Variants in ADGRG4 observed in about 807,000 individuals in gnomAD.
ADGRG4 encodes G protein-coupled receptor 112.
In ADGRG4, 122 loss-of-function variants were observed where a neutral mutation model predicts 126.2. The ratio of observed to expected loss-of-function variants is 0.97; its 90% confidence interval spans 0.83 to 1.12. ADGRG4 has a LOEUF of 1.12. Ranked by LOEUF, ADGRG4 falls within the 50% of genes most tolerant of loss-of-function variation. The probability of loss-of-function intolerance (pLI) is 0.00; values close to 1 mark genes in which losing one functional copy is unlikely to be tolerated. For synonymous variants in ADGRG4, 943 were observed against 838.7 expected, an observed-to-expected ratio of 1.12 and a Z score of -2.15; for missense variants, 2,481 against 2,251.8, an observed-to-expected ratio of 1.10 and a Z score of -2.06.
chrX:136,411,841 G>A (rs2075447857), intron 23 of ADGRG4, among the ~76,000 whole-genome samples: 2 of 112,693 alleles, frequency 1.8e-5, no homozygotes, highest in South Asian at 7.4e-4. Context: ...GATGTCCTCA[G>A]GACAAAATAC....
At chrX:136,412,759 G>C (rs1478254149) in intron 24 of ADGRG4, among the ~76,000 whole-genome samples, 4 of 112,219 alleles carry the variant, frequency 3.6e-5, no homozygotes, top group Non-Finnish European at 7.5e-5. Flanking sequence ...GAGATGGAGA[G>C]AACTTATAAA....
In ADGRG4 at chrX:136,372,673, C is replaced by T. The variant is rs753205130; in HGVS notation, c.7614-229C>T. Reference sequence around the variant, plus strand: ...TGACTTTCAGGTGAGGAAACTGAAGCTAAGTGAGATTACTTTATTTGCCCA... The same window carrying T: ...TGACTTTCAGGTGAGGAAACTGAAGTTAAGTGAGATTACTTTATTTGCCCA... On this transcript the variant is annotated intron_variant, in intron 14 of 25. Coordinates refer to ENST00000394143, the MANE Select transcript of ADGRG4 (RefSeq NM_153834.4). Among the ~76,000 whole-genome samples, 6 of 111,933 alleles carry T rather than the reference C, an allele frequency of 5.4e-5. No individual in the cohort carries two copies. In the South Asian group the frequency reaches 2.3e-3, roughly 42 times the overall value.
At chrX:136,401,497 G>T (rs1041002575) in intron 21 of ADGRG4, among the ~76,000 whole-genome samples, 3 of 111,640 alleles carry the variant, frequency 2.7e-5, no homozygotes, top group Non-Finnish European at 5.6e-5. Flanking sequence ...GGCAGGAAAG[G>T]CTAAAGCTTG....
intron 11 of ADGRG4, among the ~76,000 whole-genome samples, chrX:136,361,128 G>A (rs1330071450): frequency 2.7e-5 from 3 of 110,142 alleles, no homozygotes; most frequent in African/African-American, 9.9e-5. Flanking sequence ...CTATAACATA[G>A]CAAGACGCTG....
At chrX:136,403,182 C>A in intron 21 of ADGRG4, 62 bp from the exon 22 acceptor site, 1 of 847,847 alleles carries the variant, frequency 1.2e-6, no homozygotes, top group Non-Finnish European at 1.8e-6. Flanking sequence ...CACCCACAGT[C>A]ATTGATTAGG....
At chrX:136,315,478 G>C (rs1176548974) in intron 4 of ADGRG4, among the ~76,000 whole-genome samples, 1 of 111,039 alleles carries the variant, frequency 9.0e-6, no homozygotes, top group Non-Finnish European at 1.9e-5. Context: ...TTGGTAGAAC[G>C]CTCACTCTCA....
chrX:136,348,522 T>C lies in ADGRG4; in HGVS notation c.4816T>C (p.Ser1606Pro), dbSNP rs920772836. ...TPRTTMTMQT[S>P]TLDVTPVIYA... ...CAGGACTACTATGACCATGCAAACA[T>C]CTACATTGGATGTCACACCTGTGAT... The change falls in exon 6 of 26, where the codon TCT becomes CCT. Residue 1606 changes from serine to proline, a missense_variant. Transcript: ENST00000394143. 2.5e-6 allele frequency: 3 copies of C among 1,208,662 alleles called. No homozygotes were observed. The highest frequency in any genetic ancestry group is 1.8e-5 in the South Asian group (1 of 56,871).
intron 13 of ADGRG4, among the ~76,000 whole-genome samples, chrX:136,364,059 C>T (rs1032684803): frequency 6.3e-5 from 7 of 111,094 alleles, no homozygotes; most frequent in Middle Eastern, 4.2e-3. Flanking sequence ...GATCCACCTG[C>T]CTCAGCCTCC....
intron 5 of ADGRG4, among the ~76,000 whole-genome samples, chrX:136,342,515 C>T (rs1310144269): frequency 9.0e-6 from 1 of 110,948 alleles, no homozygotes; most frequent in East Asian, 2.9e-4. Flanking sequence ...AGGTATGAGG[C>T]GTCATAAGAG....
intron 6 of ADGRG4, among the ~76,000 whole-genome samples, chrX:136,351,068 A>G (rs1203989339): frequency 8.9e-6 from 1 of 111,906 alleles, no homozygotes; most frequent in Non-Finnish European, 1.9e-5. Context: ...AGCAGAAAAC[A>G]AGGCACAGGA....
Position 136,348,879 on chromosome X carries a change from T to C in ADGRG4, c.5173T>C (p.Ser1725Pro). The C allele has an allele frequency of 8.3e-7, 1 of 1,207,122 alleles. No individual in the cohort carries two copies. Among genetic ancestry groups the C allele is most frequent in the Non-Finnish European group, 1.1e-6 (1 of 892,277 alleles). The change falls in exon 6 of 26, where the codon TCC becomes CCC. Residue 1725 changes from serine (S) to proline (P), a missense_variant. By Grantham distance (74) the Ser-to-Pro change is moderately conservative. Transcript: ENST00000394143. ...CATATTATCTGGGATTACTAACAGG[T>C]CCCTATCTACTGTGAACAGTGGTAC... is the stretch of plus-strand genomic sequence containing the variant. The part of the protein sequence containing the change: ...LGILSGITNR[S>P]LSTVNSGTGV...
chrX:136,304,385 G>T (rs1260303964), intron 2 of ADGRG4, among the ~76,000 whole-genome samples, 178 bp downstream of exon 2: 1 of 112,166 alleles, frequency 8.9e-6, no homozygotes, highest in East Asian at 2.8e-4. Context: ...AGCATGTTCA[G>T]TGAAAACTGA....
chrX:136,354,938 T>G (rs920832007), intron 8 of ADGRG4, among the ~76,000 whole-genome samples: 4 of 111,456 alleles, frequency 3.6e-5, no homozygotes, highest in Non-Finnish European at 7.5e-5. Context: ...CCAAACCCAG[T>G]CTTCTTGGGA....
chrX:136,374,880 G>T (rs2075216175), intron 15 of ADGRG4, among the ~76,000 whole-genome samples: 1 of 111,562 alleles, frequency 9.0e-6, no homozygotes, highest in African/African-American at 3.3e-5. Flanking sequence ...AAATGGGGTA[G>T]TTTTCTTTCT....
At chrX:136,334,181 C>T (rs1171357011) in intron 5 of ADGRG4, among the ~76,000 whole-genome samples, 1 of 105,822 alleles carries the variant, frequency 9.4e-6, no homozygotes, top group Non-Finnish European at 1.9e-5. Context: ...TGTCCAGTTG[C>T]TTCAGTATTA....
intron 6 of ADGRG4, among the ~76,000 whole-genome samples, chrX:136,350,811 CACACCAGAAA>C: frequency 9.0e-6 from 1 of 111,023 alleles, no homozygotes; most frequent in Middle Eastern, 4.6e-3. Flanking sequence ...ATGCTGACCA[CACACCAGAAA>C]ACACCAGAAA....
At chrX:136,402,667 C>T (rs1422934253) in intron 21 of ADGRG4, among the ~76,000 whole-genome samples, 2 of 111,588 alleles carry the variant, frequency 1.8e-5, no homozygotes, top group Non-Finnish European at 3.8e-5. Flanking sequence ...TGTCTACACT[C>T]TCCTCACGTT....
At chrX:136,389,719 A>G (rs1410218669) in intron 16 of ADGRG4, among the ~76,000 whole-genome samples, 1 of 112,015 alleles carries the variant, frequency 8.9e-6, no homozygotes, top group Non-Finnish European at 1.9e-5. Flanking sequence ...TCATTCAGCA[A>G]ATATTTATTT....
intron 24 of ADGRG4, among the ~76,000 whole-genome samples, chrX:136,413,057 AT>A (rs11391872): frequency 1.9e-5 from 2 of 106,946 alleles, no homozygotes; most frequent in African/African-American, 3.4e-5. Flanking sequence ...ACTTTATTTT[AT>A]TTTTTTTCTT....
Sources: allele counts gnomAD v4.1 joint callset (sites outside exome capture counted in the v4.1 genomes callset), GRCh38; gene constraint gnomAD v4.1.1; transcripts MANE v1.5; gene names NCBI Gene and HGNC (gene_info 2026-07-23, HGNC 2026-07-21).